Variants in DDIAS observed in about 807,000 individuals in gnomAD.
The protein encoded by DDIAS is DNA damage induced apoptosis suppressor.
DDIAS carries 14 observed loss-of-function variants against 15.7 expected under a neutral mutation model. The observed-to-expected ratio is 0.89, with a 90% CI of 0.59 to 1.39. DDIAS has a LOEUF of 1.39. DDIAS is among the 40% of genes most tolerant of loss of function. The probability of loss-of-function intolerance (pLI) is 0.00; values close to 1 mark genes in which losing one functional copy is unlikely to be tolerated. For missense variants in DDIAS, 1,035 were observed against 1,130.9 expected (o/e 0.92, Z 1.22); for synonymous variants, 355 against 395.9 (o/e 0.90, Z 1.23).
rs571314954 is a variant in DDIAS at position 82,932,185 on chromosome 11, A to C, written c.847A>C (p.Thr283Pro). 2.5e-6 allele frequency: 4 copies of C among 1,614,214 alleles called. No homozygotes were observed. In the African/African-American group the frequency reaches 5.3e-5, roughly 22 times the overall value. ...AAAGTCCATCTCCATTGCAGAGGCC[A>C]CTGGTTCCAGTAGCTGCCATGATCC... The part of the protein sequence containing the change: ...NRKSISIAEA[T>P]GSSSCHDPIQ... Residue 283 changes from threonine to proline, a missense_variant, in exon 6 of 6, where the codon ACT becomes CCT. Transcript: ENST00000533655.
At chr11:82,929,024 A>T in intron 4 of DDIAS, 86 bp downstream of exon 4, 1 of 1,438,120 alleles carries the variant, frequency 7.0e-7, no homozygotes, top group Non-Finnish European at 9.4e-7. Context: ...TTTTTGTAGA[A>T]AGATAATCAT....
intron 3 of DDIAS, among the ~76,000 whole-genome samples, chr11:82,917,454 A>G (rs889230246): frequency 2.0e-5 from 3 of 152,204 alleles, no homozygotes; most frequent in Admixed American, 6.5e-5. Flanking sequence ...AGTCTCATCC[A>G]GGAGACTGCA....
chr11:82,911,432 G>A (rs576915419), intron 1 of DDIAS, among the ~76,000 whole-genome samples: 1 of 151,060 alleles, frequency 6.6e-6, no homozygotes, highest in African/African-American at 2.5e-5. Context: ...AGTAGATTCC[G>A]TATCAAGAAA....
rs1295159227 is a variant in DDIAS, at chr11:82,933,675, G to A, written c.2337G>A (p.Gly779=). 6.2e-7 allele frequency: 1 copy of A among 1,613,944 alleles called. No homozygotes were observed. Among genetic ancestry groups the A allele is most frequent in the South Asian group, 1.1e-5 (1 of 91,060 alleles). The change falls in exon 6 of 6, where the codon GGG becomes GGA. Residue 779 remains glycine (G), a synonymous_variant. Coordinates refer to ENST00000533655, the MANE Select transcript of DDIAS (RefSeq NM_145018.4). ...GTTCACAGTCAACTCCAATTTCAGG[G>A]TTCCACCAAACAAGAATTCATGGGA... is the stretch of plus-strand genomic sequence containing the variant. ...VPCSQSTPIS[G]FHQTRIHGIN...
chr11:82,929,163 T>G, intron 4 of DDIAS, among the ~76,000 whole-genome samples: 2 of 152,280 alleles, frequency 1.3e-5, no homozygotes, highest in Admixed American at 1.3e-4. Flanking sequence ...AATTAGAATA[T>G]TAAGTTATAA....
In DDIAS at chr11:82,933,866, C is replaced by T; in HGVS notation, c.2528C>T (p.Ser843Leu). The T allele has an allele frequency of 6.2e-7, 1 of 1,614,032 alleles. No homozygotes were observed. Among genetic ancestry groups the T allele is most frequent in the Non-Finnish European group, 8.5e-7 (1 of 1,179,964 alleles). ...AGAAGCCCTATTGTATCTGGTGTTT[C>T]ACAACCAGACGTTTTCAATCACTAC... ...KIRSPIVSGV[S>L]QPDVFNHYPF... The change falls in exon 6 of 6, where the codon TCA becomes TTA. Residue 843 changes from serine to leucine, a missense_variant. By Grantham distance (145) the Ser-to-Leu change is moderately radical. Coordinates refer to ENST00000533655, the MANE Select transcript of DDIAS (RefSeq NM_145018.4).
At position 82,931,920 on chromosome 11, in the gene DDIAS, G is replaced by T; in HGVS notation, c.582G>T (p.Gln194His). The T allele has an allele frequency of 6.2e-7, 1 of 1,614,108 alleles. No homozygotes were observed. Among genetic ancestry groups the T allele is most frequent in the Admixed American group, 1.7e-5 (1 of 60,008 alleles). The part of the protein sequence containing the change: ...LLQTFNFRKL[Q>H]CDSQAPNNHL... Reference sequence around the variant, plus strand: ...AGACTTTTAATTTCAGGAAACTTCAGTGTGACTCTCAGGCACCTAACAATC... The same window carrying T: ...AGACTTTTAATTTCAGGAAACTTCATTGTGACTCTCAGGCACCTAACAATC... Residue 194 changes from glutamine to histidine, a missense_variant, in exon 6 of 6, where the codon CAG becomes CAT. Gln to His is a conservative substitution (Grantham distance 24). Transcript: ENST00000533655.
intron 1 of DDIAS, among the ~76,000 whole-genome samples, chr11:82,905,873 A>G (rs184404089): frequency 2.0e-5 from 3 of 152,324 alleles, no homozygotes; most frequent in Non-Finnish European, 2.9e-5. Context: ...GTAATACTAT[A>G]TCATCATCCT....
In DDIAS at chr11:82,932,807, G is replaced by A. The variant is rs745487766; in HGVS notation, c.1469G>A (p.Cys490Tyr). ...TCACAAGTAATAGTCAAAGCAAACT[G>A]TAGCAAAGATGACTTCCTTTTCAAC... The part of the protein sequence containing the change: ...RSSQVIVKAN[C>Y]SKDDFLFNCK... The change falls in exon 6 of 6, where the codon TGT becomes TAT. Residue 490 changes from cysteine to tyrosine, a missense_variant. By Grantham distance (194) the Cys-to-Tyr change is radical. Coordinates refer to ENST00000533655, the MANE Select transcript of DDIAS (RefSeq NM_145018.4). The A allele has an allele frequency of 3.1e-6, 5 of 1,613,560 alleles. No individual in the cohort carries two copies. The highest frequency in any genetic ancestry group is 1.1e-5 in the South Asian group (1 of 91,078).
intron 1 of DDIAS, among the ~76,000 whole-genome samples, chr11:82,911,038 A>G (rs1298042094): frequency 6.6e-6 from 1 of 152,220 alleles, no homozygotes; most frequent in African/African-American, 2.4e-5. Context: ...TCTAAAAAAT[A>G]CATCTTAATT....
intron 3 of DDIAS, among the ~76,000 whole-genome samples, chr11:82,926,278 A>G (rs1475161588): frequency 6.6e-6 from 1 of 151,848 alleles, no homozygotes; most frequent in Non-Finnish European, 1.5e-5. Context: ...TTGTAGAGAC[A>G]CAGTTTTGCC....
In DDIAS at chr11:82,914,735, A is replaced by G. The variant is rs775082867; in HGVS notation, c.-4A>G. The G allele has an allele frequency of 1.4e-5, 21 of 1,554,394 alleles. No homozygotes were observed. The highest frequency in any genetic ancestry group is 1.9e-5 in the Non-Finnish European group (21 of 1,127,128). On this transcript the variant is annotated 5_prime_UTR_variant, in exon 3 of 6. Coordinates refer to ENST00000533655, the MANE Select transcript of DDIAS (RefSeq NM_145018.4). ...TTTTGTTTTGCAGACCACGGTGTGA[A>G]CACATGAACAGAAGACGAAAATTTC...
intron 1 of DDIAS, among the ~76,000 whole-genome samples, chr11:82,907,441 C>T (rs1477270115): frequency 6.6e-6 from 1 of 152,162 alleles, no homozygotes; most frequent in African/African-American, 2.4e-5. Context: ...TTTAGGGGAA[C>T]TTCAAATGAA....
At chr11:82,924,796 CA>C (rs1860824558) in intron 3 of DDIAS, among the ~76,000 whole-genome samples, 1 of 150,578 alleles carries the variant, frequency 6.6e-6, no homozygotes, top group South Asian at 2.1e-4. Flanking sequence ...GCCTGGGCAA[CA>C]AAGCAAGACC....
chr11:82,913,698 A>C (rs1015798662), intron 2 of DDIAS: 1 of 447,556 alleles, frequency 2.2e-6, no homozygotes, highest in Non-Finnish European at 4.4e-6. Flanking sequence ...GTGATATTTC[A>C]GCTAAAAAAG....
intron 1 of DDIAS, among the ~76,000 whole-genome samples, chr11:82,912,975 T>G (rs1398743798): frequency 6.6e-6 from 1 of 152,190 alleles, no homozygotes; most frequent in Non-Finnish European, 1.5e-5. Context: ...ATTAAATTCA[T>G]CTTATATAGG....
intron 1 of DDIAS, among the ~76,000 whole-genome samples, chr11:82,907,812 A>T (rs1860461491): frequency 6.6e-6 from 1 of 152,188 alleles, no homozygotes; most frequent in African/African-American, 2.4e-5. Flanking sequence ...AAGTGCTGGG[A>T]TTATAGGCCT....
intron 1 of DDIAS, among the ~76,000 whole-genome samples, chr11:82,908,506 G>A (rs1284103273): frequency 4.6e-5 from 7 of 152,210 alleles, no homozygotes; most frequent in Non-Finnish European, 1.0e-4. Context: ...GAATGTGGAG[G>A]ACAATGCCTT....
chr11:82,927,467 C>T (rs1442913032), intron 3 of DDIAS, among the ~76,000 whole-genome samples: 1 of 152,192 alleles, frequency 6.6e-6, no homozygotes, highest in African/African-American at 2.4e-5. Flanking sequence ...TTAGACTCCC[C>T]CTAGTGGCCA....
Sources: gnomAD v4.1 joint callset for allele counts (sites outside exome capture counted in the v4.1 genomes callset) on GRCh38, gnomAD v4.1.1 for gene constraint, MANE v1.5 for transcripts, NCBI Gene and HGNC (gene_info 2026-07-23, HGNC 2026-07-21) for gene names.